SHC4: variants seen among roughly 807,000 people sequenced by gnomAD.
SHC4 encodes the protein SHC adaptor protein 4, also known as SHC-transforming protein 4.
A neutral mutation model predicts 69.4 loss-of-function variants in SHC4; 41 were observed. The observed-to-expected ratio is 0.59, with a 90% CI of 0.46 to 0.77. SHC4 has a LOEUF of 0.77. SHC4 is among the 30% of genes least tolerant of loss of function. The pLI is 0.00. For synonymous variants in SHC4, 318 were observed against 299.3 expected, an observed-to-expected ratio of 1.06 and a Z score of -0.64; for missense variants, 777 against 783.8, an observed-to-expected ratio of 0.99 and a Z score of 0.10.
chr15:48,894,027 G>C (rs1900180566), intron 2 of SHC4, among the ~76,000 whole-genome samples: 1 of 152,174 alleles, frequency 6.6e-6, no homozygotes, highest in South Asian at 2.1e-4. Context: ...ATAGCATTGA[G>C]TATATAAGTA....
At chr15:48,937,583 C>CATAG (rs5812469) in intron 1 of SHC4, among the ~76,000 whole-genome samples, 51,782 of 147,744 alleles carry the variant, frequency 0.35, 9,100 homozygotes, top group Non-Finnish European at 0.38. Context: ...CACACAGACA[C>CATAG]ATAGATAGAT....
chr15:48,843,381 T>C, intron 10 of SHC4, 28 bp downstream of exon 10: 2 of 1,569,080 alleles, frequency 1.3e-6, no homozygotes, highest in Non-Finnish European at 1.7e-6. Flanking sequence ...CCCTAAGAAA[T>C]GAATACAGAC....
intron 6 of SHC4, among the ~76,000 whole-genome samples, chr15:48,866,137 T>G (rs1360808628): frequency 6.6e-6 from 1 of 152,194 alleles, no homozygotes; most frequent in Non-Finnish European, 1.5e-5. Flanking sequence ...AGTGTTGTTG[T>G]TCAGAGGCCT....
At chr15:48,950,305 C>T (rs905278112) in intron 1 of SHC4, among the ~76,000 whole-genome samples, 1 of 149,576 alleles carries the variant, frequency 6.7e-6, no homozygotes, top group African/African-American at 2.5e-5. Flanking sequence ...TATGGTTAAA[C>T]TTCTAACCGA....
At position 48,963,558 on chromosome 15, in the gene SHC4, ATG is replaced by A. The variant is rs1037897091; in HGVS notation, c.-545_-544del. 6.5e-6 allele frequency: 1 copy of A among 152,952 alleles called. No individual in the cohort carries two copies. Among genetic ancestry groups the A allele is most frequent in the African/African-American group, 2.4e-5 (1 of 41,450 alleles). 9.5% of individuals were successfully genotyped at this position (152,952 alleles called of 1,614,324 possible). On this transcript the variant is annotated 5_prime_UTR_variant, in exon 1 of 12. It removes the in-frame stop codon of an upstream open reading frame in the 5' UTR. Transcript: ENST00000332408. ...TTGTTCATTTAAAAAGGAAAAAAAA[ATG>A]TATCTATGAACCAAAGGCCCTTTTG...
At chr15:48,923,742 T>C (rs1900795499) in intron 2 of SHC4, among the ~76,000 whole-genome samples, 1 of 149,216 alleles carries the variant, frequency 6.7e-6, no homozygotes, top group Admixed American at 6.7e-5. Context: ...TGGGCTCAAG[T>C]GATCCTCCAG....
rs189807155 is a variant in SHC4 at position 48,906,977 on chromosome 15, G to T, written c.657-16166C>A. Among the ~76,000 whole-genome samples the T allele has an allele frequency of 6.6e-5, 10 of 152,234 alleles. No individual in the cohort carries two copies. The East Asian group carries it at 1.9e-3, about 29-fold the overall frequency. ...TGTTACAAATTAATATGCACCACAG[G>T]ATCTCACTTTAGTTTTTAAACATGC... On this transcript the variant is annotated intron_variant, in intron 2 of 11. Transcript: ENST00000332408.
At chr15:48,945,201 A>T (rs1901252928) in intron 1 of SHC4, among the ~76,000 whole-genome samples, 1 of 152,216 alleles carries the variant, frequency 6.6e-6, no homozygotes, top group Non-Finnish European at 1.5e-5. Context: ...AAGAAATCTG[A>T]TAAAGTATAA....
chr15:48,877,921 C>G (rs1315233666), intron 4 of SHC4: 1 of 416,902 alleles, frequency 2.4e-6, no homozygotes, highest in Admixed American at 4.0e-5. Flanking sequence ...GAAACTGTTA[C>G]GCTCTTGCAT....
intron 4 of SHC4, 40 bp downstream of exon 4, chr15:48,884,208 A>G: frequency 6.4e-7 from 1 of 1,559,450 alleles, no homozygotes; most frequent in Non-Finnish European, 8.6e-7. Context: ...TCTCTGAAAA[A>G]ATAGATATGT....
intron 2 of SHC4, among the ~76,000 whole-genome samples, chr15:48,896,766 A>T: frequency 6.6e-6 from 1 of 152,250 alleles, no homozygotes; most frequent in East Asian, 1.9e-4. Flanking sequence ...GGCCTTGCTG[A>T]TAGCAGCGTT....
At chr15:48,926,580 A>G (rs2141025637) in intron 1 of SHC4, among the ~76,000 whole-genome samples, 1 of 151,754 alleles carries the variant, frequency 6.6e-6, no homozygotes, top group South Asian at 2.1e-4. Context: ...CTCCTGCCTC[A>G]GCCTTTTGAG....
chr15:48,962,283 AC>A, intron 1 of SHC4, 147 bp downstream of exon 1: 1 of 799,258 alleles, frequency 1.3e-6, no homozygotes, highest in South Asian at 2.4e-5. Context: ...ACATATATAA[AC>A]CCAGCTCCCC....
At chr15:48,828,113 GTGTATA>G (rs71120643) in intron 11 of SHC4, among the ~76,000 whole-genome samples, 32,873 of 100,124 alleles carry the variant, frequency 0.33, 4,039 homozygotes, top group South Asian at 0.42. Flanking sequence ...GTGTGTGTGT[GTGTATA>G]TATATATATA....
chr15:48,903,880 C>T (rs1900359337), intron 2 of SHC4, among the ~76,000 whole-genome samples: 1 of 152,310 alleles, frequency 6.6e-6, no homozygotes, highest in South Asian at 2.1e-4. Context: ...ATCCTCCCAT[C>T]TAAGCCTCCC....
chr15:48,953,197 A>G (rs1901393141), intron 1 of SHC4, among the ~76,000 whole-genome samples: 1 of 152,212 alleles, frequency 6.6e-6, no homozygotes, highest in Non-Finnish European at 1.5e-5. Context: ...GTTCTCACTT[A>G]AAAGTGGGAA....
chr15:48,914,588 T>C (rs1900581486), intron 2 of SHC4, among the ~76,000 whole-genome samples: 1 of 152,316 alleles, frequency 6.6e-6, no homozygotes, highest in Admixed American at 6.5e-5. Flanking sequence ...CAAATTCTCT[T>C]TGCTGTATGA....
At chr15:48,842,112 T>G (rs1899003511) in intron 10 of SHC4, among the ~76,000 whole-genome samples, 1 of 152,106 alleles carries the variant, frequency 6.6e-6, no homozygotes, top group South Asian at 2.1e-4. Context: ...TGAAAAGCAT[T>G]TTTTGTTTAT....
intron 8 of SHC4, among the ~76,000 whole-genome samples, chr15:48,854,833 A>AG (rs1410314476): frequency 5.3e-5 from 8 of 152,112 alleles, no homozygotes; most frequent in Non-Finnish European, 1.0e-4. Flanking sequence ...GGAGGGAAAG[A>AG]GGGGGGCAAA....
Sources: gnomAD v4.1 joint callset for allele counts (sites outside exome capture counted in the v4.1 genomes callset) on GRCh38, gnomAD v4.1.1 for gene constraint, MANE v1.5 for transcripts, NCBI Gene and HGNC (gene_info 2026-07-23, HGNC 2026-07-21) for gene names.